Variants in THSD1 observed in about 807,000 individuals in gnomAD.
The protein encoded by THSD1 is thrombospondin type 1 domain containing 1, also known as thrombospondin type-1 domain-containing protein 1.
In THSD1, 34 loss-of-function variants were observed where a neutral mutation model predicts 46.3. The observed-to-expected ratio is 0.74, with a 90% CI of 0.56 to 0.98. The LOEUF (loss-of-function observed/expected upper bound fraction) is 0.98, where lower values mean the gene tolerates loss of function less well. THSD1 is among the 50% of genes least tolerant of loss of function. THSD1 has a pLI of 0.00. For missense variants in THSD1, 1,023 were observed against 1,058.3 expected (o/e 0.97, Z 0.46); for synonymous variants, 407 against 416.5 (o/e 0.98, Z 0.28).
At chr13:52,401,361 G>A (rs9536063) in intron 2 of THSD1, among the ~76,000 whole-genome samples, 7,529 of 150,884 alleles carry the variant, frequency 0.05, 210 homozygotes, top group South Asian at 0.073. Flanking sequence ...GTGCAGTGGT[G>A]CGATCTCGGC....
intron 3 of THSD1, among the ~76,000 whole-genome samples, chr13:52,391,102 T>A (rs1452264487): frequency 6.6e-6 from 1 of 152,202 alleles, no homozygotes; most frequent in East Asian, 1.9e-4. Flanking sequence ...TTAGAAGTTT[T>A]CATCCATAAA....
chr13:52,402,533 C>A lies in THSD1; in HGVS notation c.58+10G>T. ...CTACCAGTAGCGTTAAGTATACTCACAATACTCACCATAGTCACAGAGTAC... is the reference window on the plus strand; with the variant it reads ...CTACCAGTAGCGTTAAGTATACTCAAAATACTCACCATAGTCACAGAGTAC... On this transcript the variant is annotated intron_variant, in intron 2 of 4. Coordinates refer to ENST00000258613, the MANE Select transcript of THSD1 (RefSeq NM_018676.4). 6.2e-7 allele frequency: 1 copy of A among 1,612,612 alleles called. No individual in the cohort carries two copies. Among genetic ancestry groups the A allele is most frequent in the Non-Finnish European group, 8.5e-7 (1 of 1,178,770 alleles).
intron 2 of THSD1, chr13:52,399,928 G>T: frequency 6.4e-6 from 1 of 156,246 alleles, no homozygotes. Context: ...GGATCTGAAG[G>T]GGGCAGGATG....
At chr13:52,387,526 C>T (rs1432059665) in intron 3 of THSD1, among the ~76,000 whole-genome samples, 1 of 152,122 alleles carries the variant, frequency 6.6e-6, no homozygotes, top group African/African-American at 2.4e-5. Flanking sequence ...TATTAAAACT[C>T]TCAGAGAGAG....
chr13:52,402,035 T>C (rs1957867556), intron 2 of THSD1, among the ~76,000 whole-genome samples: 1 of 152,264 alleles, frequency 6.6e-6, no homozygotes, highest in Non-Finnish European at 1.5e-5. Context: ...CTCTTGATAT[T>C]ATCATAACAA....
chr13:52,377,933 AG>A lies in THSD1; in HGVS notation c.2036del (p.Pro679LeufsTer44). On this transcript the variant is annotated frameshift_variant, in exon 5 of 5. Coordinates refer to ENST00000258613, the MANE Select transcript of THSD1 (RefSeq NM_018676.4). LOFTEE classifies it high-confidence loss of function. ...SMSTLTPRQA[P>X]AYSSRTRTCE... The stretch of plus-strand genomic sequence containing the variant: ...AGGTCCGCGTCCTAGAGCTGTAGGC[AG>A]GGGCCTGCCGTGGAGTCAGAGTGGA... 6.2e-7 allele frequency: 1 copy of A among 1,613,444 alleles called. No homozygotes were observed. Among genetic ancestry groups the A allele is most frequent in the Non-Finnish European group, 8.5e-7 (1 of 1,179,940 alleles).
At chr13:52,381,012 A>G (rs2137724678) in intron 4 of THSD1, among the ~76,000 whole-genome samples, 1 of 150,948 alleles carries the variant, frequency 6.6e-6, no homozygotes, top group South Asian at 2.1e-4. Context: ...GTACCTTCCC[A>G]CTCTCTGCTC....
Position 52,406,018 on chromosome 13 carries a change from G to T in THSD1, c.-82+13C>A. On this transcript the variant is annotated intron_variant, in intron 1 of 4. Transcript: ENST00000258613. Reference sequence around the variant, plus strand: ...ACGGGCGCGAACACCAGGATGCGGAGGGCGCTTCTTACCTTTCGAGACTGA... The same window carrying T: ...ACGGGCGCGAACACCAGGATGCGGATGGCGCTTCTTACCTTTCGAGACTGA... 6.6e-6 allele frequency: 1 copy of T among 152,426 alleles called. No individual in the cohort carries two copies. Among genetic ancestry groups the T allele is most frequent in the Non-Finnish European group, 1.5e-5 (1 of 68,116 alleles). 9.4% of individuals were successfully genotyped at this position (152,426 alleles called of 1,614,324 possible).
At chr13:52,385,023 T>C (rs564713445) in intron 4 of THSD1, among the ~76,000 whole-genome samples, 29 of 152,114 alleles carry the variant, frequency 1.9e-4, no homozygotes, top group African/African-American at 6.0e-4. Context: ...AAAAATGATA[T>C]AGCAAAAAGG....
intron 1 of THSD1, among the ~76,000 whole-genome samples, chr13:52,404,577 C>A (rs1180132988): frequency 6.6e-6 from 1 of 152,168 alleles, no homozygotes; most frequent in African/African-American, 2.4e-5. Context: ...AGACTTGACC[C>A]AATTCTTTCC....
chr13:52,393,501 T>C (rs1181196094), intron 3 of THSD1, among the ~76,000 whole-genome samples: 1 of 151,958 alleles, frequency 6.6e-6, no homozygotes, highest in Non-Finnish European at 1.5e-5. Flanking sequence ...CTACTAAAAA[T>C]ACAAAAATTA....
intron 2 of THSD1, chr13:52,398,447 G>T: frequency 1.3e-6 from 1 of 791,882 alleles, no homozygotes; most frequent in Non-Finnish European, 1.5e-6. Flanking sequence ...TTTTCTTTTT[G>T]TAGAGACTGG....
Position 52,378,270 on chromosome 13 carries a change from G to A in THSD1, c.1700C>T (p.Ala567Val). 6.2e-7 allele frequency: 1 copy of A among 1,614,226 alleles called. No homozygotes were observed. Among genetic ancestry groups the A allele is most frequent in the African/African-American group, 1.3e-5 (1 of 75,046 alleles). The change falls in exon 5 of 5, where the codon GCC becomes GTC. Residue 567 changes from alanine to valine, a missense_variant. Coordinates refer to ENST00000258613, the MANE Select transcript of THSD1 (RefSeq NM_018676.4). ...SPLTDTAIDA[A>V]PSAPLDLESP... ...TTCCAAATCTAAGGGAGCGCTGGGGGCCGCATCAATGGCAGTGTCTGTCAG... is the reference window on the plus strand; with the variant it reads ...TTCCAAATCTAAGGGAGCGCTGGGGACCGCATCAATGGCAGTGTCTGTCAG...
At chr13:52,403,828 T>C (rs1394149611) in intron 1 of THSD1, among the ~76,000 whole-genome samples, 1 of 151,996 alleles carries the variant, frequency 6.6e-6, no homozygotes, top group East Asian at 1.9e-4. Flanking sequence ...AATAAGATAC[T>C]GGGCATTTAA....
chr13:52,385,044 G>T (rs1957720771), intron 4 of THSD1, among the ~76,000 whole-genome samples: 1 of 152,112 alleles, frequency 6.6e-6, no homozygotes, highest in Non-Finnish European at 1.5e-5. Context: ...ATTTTCTAAG[G>T]CCACAGGTGG....
chr13:52,400,008 G>A (rs1957842085), intron 2 of THSD1: 1 of 154,268 alleles, frequency 6.5e-6, no homozygotes, highest in South Asian at 1.9e-4. Context: ...ATTGCAGGCT[G>A]GTCCGATGGT....
chr13:52,389,525 G>A (rs1310924383), intron 3 of THSD1, among the ~76,000 whole-genome samples: 1 of 151,716 alleles, frequency 6.6e-6, no homozygotes, highest in Admixed American at 6.6e-5. Context: ...TTTACGTATA[G>A]ACATATATAT....
intron 3 of THSD1, among the ~76,000 whole-genome samples, chr13:52,392,789 A>G (rs570270107): frequency 6.6e-6 from 1 of 152,350 alleles, no homozygotes; most frequent in South Asian, 2.1e-4. Context: ...AGAAAATTCT[A>G]TAGACATAAG....
chr13:52,402,414 T>C, intron 2 of THSD1, 129 bp downstream of exon 2: 1 of 642,384 alleles, frequency 1.6e-6, no homozygotes, highest in Non-Finnish European at 2.5e-6. Context: ...AGGGTCACAG[T>C]TGAGAAAGCA....
Sources: allele counts gnomAD v4.1 joint callset (sites outside exome capture counted in the v4.1 genomes callset), GRCh38; gene constraint gnomAD v4.1.1; transcripts MANE v1.5; gene names NCBI Gene and HGNC (gene_info 2026-07-23, HGNC 2026-07-21).